Variants in MDN1 observed in about 807,000 individuals in gnomAD.
MDN1 encodes midasin.
A neutral mutation model predicts 669.2 loss-of-function variants in MDN1; 266 were observed. That is an observed-to-expected ratio of 0.40 (90% confidence interval 0.36 to 0.44). The LOEUF (loss-of-function observed/expected upper bound fraction) is 0.44. MDN1 is among the 20% of genes least tolerant of loss of function. The pLI is 1.00. For missense variants in MDN1, 5,940 were observed against 6,754.0 expected, an observed-to-expected ratio of 0.88 and a Z score of 4.22; for synonymous variants, 2,385 against 2,457.1, an observed-to-expected ratio of 0.97 and a Z score of 0.87.
rs146322667 is a variant in MDN1 at position 89,701,603 on chromosome 6, A to G, written c.8382T>C (p.Gly2794=). The part of the protein sequence containing the change: ...CLGSQTGGFA[G]IKKLQKFLGR... ...CCAGGAACTTCTGCAACTTCTTTATACCAGCGAAGCCACCAGTCTGGCTCC... is the reference window on the plus strand; with the variant it reads ...CCAGGAACTTCTGCAACTTCTTTATGCCAGCGAAGCCACCAGTCTGGCTCC... The change falls in exon 55 of 102, where the codon GGT becomes GGC. Residue 2794 remains glycine, a synonymous_variant. Transcript: ENST00000369393. 8.9e-5 allele frequency: 144 copies of G among 1,614,170 alleles called. 1 individual carries two copies. In the African/African-American group the frequency reaches 1.7e-3, roughly 20 times the overall value.
Position 89,674,333 on chromosome 6 carries a change from T to C in MDN1, c.13018A>G (p.Ser4340Gly), listed in dbSNP as rs750311342. ...PGPCLEGPEL[S>G]KGQLCGVVLD... Reference sequence around the variant, plus strand: ...ACTACTCCACAAAGTTGTCCCTTGCTAAGTTCTGGTCCTTCCAGGCAGGGG... The same window carrying C: ...ACTACTCCACAAAGTTGTCCCTTGCCAAGTTCTGGTCCTTCCAGGCAGGGG... Residue 4340 changes from serine (S) to glycine (G), a missense_variant, in exon 79 of 102, where the codon AGC (serine) becomes GGC (glycine). This residue lies in a region of MDN1 where 2,280 missense variants were observed against 2,576.3 expected (regional missense o/e 0.88). Transcript: ENST00000369393. The C allele has an allele frequency of 2.1e-5, 34 of 1,614,106 alleles. No homozygotes were observed. In the Admixed American group the frequency reaches 4.2e-4, roughly 20 times the overall value.
chr6:89,656,199 A>T (rs1211157492), intron 91 of MDN1, among the ~76,000 whole-genome samples: 2 of 152,154 alleles, frequency 1.3e-5, no homozygotes, highest in African/African-American at 4.8e-5. Flanking sequence ...ACTTTCACAC[A>T]TCCATATATG....
At chr6:89,809,240 G>C (rs943842490) in intron 1 of MDN1, among the ~76,000 whole-genome samples, 1 of 123,910 alleles carries the variant, frequency 8.1e-6, no homozygotes, top group Non-Finnish European at 1.7e-5. Flanking sequence ...AAAAAAAAAA[G>C]AAGTATGTAT....
At chr6:89,725,161 A>G in intron 38 of MDN1, 38 bp downstream of exon 38, 1 of 1,584,272 alleles carries the variant, frequency 6.3e-7, no homozygotes, top group Non-Finnish European at 8.7e-7. Flanking sequence ...ATCCCCTCCG[A>G]GTCTATCTTT....
intron 83 of MDN1, among the ~76,000 whole-genome samples, chr6:89,670,153 TATATA>T (rs1357489052): frequency 8.7e-5 from 2 of 22,984 alleles, no homozygotes; most frequent in East Asian, 4.4e-3. Context: ...TATATATATA[TATATA>T]TATATATATA....
In MDN1 at chr6:89,708,934, A is replaced by G. The variant is rs570051444; in HGVS notation, c.7766-306T>C. Among the ~76,000 whole-genome samples, 5 of 151,692 alleles carry G rather than the reference A, an allele frequency of 3.3e-5. No homozygotes were observed. In the South Asian group the frequency reaches 1.0e-3, roughly 32 times the overall value. On this transcript the variant is annotated intron_variant, in intron 50 of 101. Transcript: ENST00000369393. ...CCAACCAATGAATTCACTTCCTGAG[A>G]TCACACTAATCCATGGGCTAAATTA...
intron 38 of MDN1, 143 bp from the exon 39 acceptor site, chr6:89,723,762 T>C: frequency 4.2e-6 from 2 of 479,812 alleles, no homozygotes; most frequent in Non-Finnish European, 7.1e-6. Context: ...TAGAAATTTC[T>C]TTTTTTGTGT....
At chr6:89,811,750 T>C (rs1226864404) in intron 1 of MDN1, among the ~76,000 whole-genome samples, 3 of 151,794 alleles carry the variant, frequency 2.0e-5, no homozygotes, top group Non-Finnish European at 1.5e-5. Flanking sequence ...AGCCAGGATT[T>C]ACTTCTTAAA....
rs1287881590 is a variant in MDN1 at position 89,699,524 on chromosome 6, T to C, written c.8997+77A>G. The C allele has an allele frequency of 2.7e-6, 4 of 1,474,080 alleles. No homozygotes were observed. In the Admixed American group the frequency reaches 9.2e-5, roughly 34 times the overall value. The allele number at this position is 1,474,080 out of a possible 1,614,324, so 91.3% of individuals were successfully genotyped here. ...TGGAATTTTGAGAATAAATAAAATG[T>C]TTCCCAACCAGTCTGTCAAAGAAAA... On this transcript the variant is annotated intron_variant, in intron 58 of 101. Coordinates refer to ENST00000369393, the MANE Select transcript of MDN1 (RefSeq NM_014611.3).
chr6:89,797,085 T>G lies in MDN1; in HGVS notation c.330-2284A>C, dbSNP rs117497643. On this transcript the variant is annotated intron_variant, in intron 2 of 101. Coordinates refer to ENST00000369393, the MANE Select transcript of MDN1 (RefSeq NM_014611.3). ...CTCCATCTCAACAACAACACAAAAA[T>G]TTCTGGTTGGGTGAGGTGGCTCACG... Among the ~76,000 whole-genome samples, 590 of 148,710 alleles carry G rather than the reference T, an allele frequency of 4.0e-3. 5 individuals carry two copies. Among genetic ancestry groups the G allele is most frequent in the Non-Finnish European group, 5.9e-3 (395 of 67,274 alleles).
chr6:89,664,444 T>TA, intron 85 of MDN1, 43 bp downstream of exon 85: 2 of 1,605,130 alleles, frequency 1.2e-6, no homozygotes, highest in Non-Finnish European at 1.7e-6. Context: ...ATAAAATATT[T>TA]ATGCTTTCAA....
chr6:89,778,016 G>A (rs1818439072), intron 11 of MDN1, among the ~76,000 whole-genome samples: 3 of 152,154 alleles, frequency 2.0e-5, no homozygotes, highest in Admixed American at 6.5e-5. Flanking sequence ...CAGGCTCTGT[G>A]TGAATTACTT....
At chr6:89,706,491 T>C (rs1813524965) in intron 52 of MDN1, among the ~76,000 whole-genome samples, 1 of 152,182 alleles carries the variant, frequency 6.6e-6, no homozygotes, top group Admixed American at 6.5e-5. Flanking sequence ...TATTTTACAA[T>C]GTTTTTAATA....
intron 22 of MDN1, 104 bp from the exon 23 acceptor site, chr6:89,751,686 T>G: frequency 8.3e-7 from 1 of 1,198,920 alleles, no homozygotes. Context: ...TGTCTTGTTC[T>G]GCATACTTTC....
intron 2 of MDN1, chr6:89,797,637 A>G: frequency 2.1e-6 from 1 of 474,538 alleles, no homozygotes. Flanking sequence ...TTTGCAAGCC[A>G]TGAAGCATAT....
At chr6:89,713,854 G>A (rs984665862) in intron 46 of MDN1, among the ~76,000 whole-genome samples, 3 of 151,910 alleles carry the variant, frequency 2.0e-5, no homozygotes, top group Admixed American at 1.3e-4. Flanking sequence ...TGAGACCACA[G>A]TGAAACCCTG....
rs1467422291 is a variant in MDN1, at chr6:89,723,251, A to T, written c.5779-108T>A. The stretch of plus-strand genomic sequence containing the variant: ...GCATATGTAATCTGAAACAAAAATT[A>T]ACAGGCTTGATTCAGAGCCTCTTTC... On this transcript the variant is annotated intron_variant, in intron 39 of 101. Coordinates refer to ENST00000369393, the MANE Select transcript of MDN1 (RefSeq NM_014611.3). 4 of 1,142,112 alleles carry T rather than the reference A, an allele frequency of 3.5e-6. No homozygotes were observed. In the African/African-American group the frequency reaches 6.2e-5, roughly 18 times the overall value. 70.7% of individuals were successfully genotyped at this position (1,142,112 alleles called of 1,614,324 possible).
Position 89,692,451 on chromosome 6 carries a change from C to T in MDN1, c.10579G>A (p.Val3527Met), listed in dbSNP as rs779769811. 2 of 1,607,852 alleles carry T rather than the reference C, an allele frequency of 1.2e-6. No individual in the cohort carries two copies. Among genetic ancestry groups the T allele is most frequent in the Non-Finnish European group, 1.7e-6 (2 of 1,176,190 alleles). ...DQRALQLFRH[V>M]CQEIISEWDE... is the part of the protein sequence containing the mutation. ...TCCCAGAGATGGCTCACCTGACACA[C>T]ATGTCTGAAGAGCTGCAGGGCCCTC... Residue 3527 changes from valine (V) to methionine (M), a missense_variant, in exon 63 of 102, where the codon GTG becomes ATG. By Grantham distance (21) the Val-to-Met change is conservative. Coordinates refer to ENST00000369393, the MANE Select transcript of MDN1 (RefSeq NM_014611.3).
chr6:89,662,782 T>G lies in MDN1; in HGVS notation c.14412+10A>C. Reference sequence around the variant, plus strand: ...CAGCTTGTTTGGGAGGGGAGAAATCTTTGAATTACCTCATCCATTCCTGGT... The same window carrying G: ...CAGCTTGTTTGGGAGGGGAGAAATCGTTGAATTACCTCATCCATTCCTGGT... On this transcript the variant is annotated intron_variant, in intron 86 of 101. Transcript: ENST00000369393. 1.2e-6 allele frequency: 2 copies of G among 1,613,820 alleles called. No individual in the cohort carries two copies.
Sources: allele counts gnomAD v4.1 joint callset (sites outside exome capture counted in the v4.1 genomes callset), GRCh38; gene constraint gnomAD v4.1.1; regional missense constraint gnomAD v4.1.1; transcripts MANE v1.5; gene names NCBI Gene and HGNC (gene_info 2026-07-23, HGNC 2026-07-21).